POU2F1: variants seen among roughly 807,000 people sequenced by gnomAD.
POU2F1 encodes the protein POU class 2 homeobox 1, also known as POU domain, class 2, transcription factor 1.
Under a neutral mutation model 84.9 loss-of-function variants are expected in POU2F1, and 16 were observed. That is an observed-to-expected ratio of 0.19 (90% CI 0.13 to 0.29). The LOEUF (loss-of-function observed/expected upper bound fraction) is 0.29, where lower values mean the gene tolerates loss of function less well. Ranked by LOEUF, POU2F1 falls within the 10% of genes least tolerant of loss-of-function variation. POU2F1 has a pLI of 1.00. For synonymous variants in POU2F1, 368 were observed against 368.3 expected, an observed-to-expected ratio of 1.00 and a Z score of 0.01; for missense variants, 738 against 942.6, an observed-to-expected ratio of 0.78 and a Z score of 2.84.
intron 1 of POU2F1, among the ~76,000 whole-genome samples, chr1:167,298,680 C>G (rs545647267): frequency 6.6e-6 from 1 of 152,184 alleles, no homozygotes; most frequent in South Asian, 2.1e-4. Flanking sequence ...GAGTATAATA[C>G]TGACGGCATT....
intron 9 of POU2F1, among the ~76,000 whole-genome samples, chr1:167,390,614 C>A (rs1020412475): frequency 6.6e-6 from 1 of 151,856 alleles, no homozygotes; most frequent in Non-Finnish European, 1.5e-5. Flanking sequence ...GGGACCCTGT[C>A]TCTCCAAAAA....
chr1:167,250,121 C>T (rs774975658), intron 1 of POU2F1, among the ~76,000 whole-genome samples: 1 of 151,684 alleles, frequency 6.6e-6, no homozygotes, highest in Non-Finnish European at 1.5e-5. Flanking sequence ...TAACACTTAA[C>T]ATTAGCAGTA....
intron 1 of POU2F1, among the ~76,000 whole-genome samples, chr1:167,293,002 T>A (rs1654030368): frequency 6.6e-6 from 1 of 152,192 alleles, no homozygotes; most frequent in African/African-American, 2.4e-5. Flanking sequence ...GAAGGGACTT[T>A]TACCTTAAAT....
At chr1:167,256,282 A>G (rs1002462444) in intron 1 of POU2F1, among the ~76,000 whole-genome samples, 4 of 152,060 alleles carry the variant, frequency 2.6e-5, no homozygotes, top group African/African-American at 7.2e-5. Context: ...AGGGAGAAGT[A>G]TCAGGTTGTG....
chr1:167,240,649 C>T (rs1248001715), intron 1 of POU2F1, among the ~76,000 whole-genome samples: 1 of 152,136 alleles, frequency 6.6e-6, no homozygotes, highest in East Asian at 1.9e-4. Flanking sequence ...TGAAAATCTA[C>T]TATTGTTTTA....
At chr1:167,297,673 T>C (rs144529913) in intron 1 of POU2F1, among the ~76,000 whole-genome samples, 188 of 152,346 alleles carry the variant, frequency 1.2e-3, no homozygotes, top group Non-Finnish European at 2.3e-3. Context: ...CTTGCTCTTA[T>C]TCAGCTAGAG....
intron 1 of POU2F1, among the ~76,000 whole-genome samples, chr1:167,284,345 G>A (rs1223022268): frequency 3.9e-5 from 6 of 152,094 alleles, no homozygotes; most frequent in Non-Finnish European, 8.8e-5. Context: ...GAATGACAGC[G>A]AAAAGCTGGT....
At chr1:167,237,773 T>TA (rs1491447077) in intron 1 of POU2F1, among the ~76,000 whole-genome samples, 3 of 50,942 alleles carry the variant, frequency 5.9e-5, no homozygotes, top group African/African-American at 2.3e-4. Context: ...TATATATATA[T>TA]TTTTTTTTTT....
intron 2 of POU2F1, among the ~76,000 whole-genome samples, chr1:167,336,749 C>T (rs1426010366): frequency 2.0e-5 from 3 of 152,186 alleles, no homozygotes; most frequent in Non-Finnish European, 4.4e-5. Flanking sequence ...AAAATACCGG[C>T]CTGGTGCAGT....
intron 8 of POU2F1, among the ~76,000 whole-genome samples, chr1:167,387,422 A>G (rs1284219793): frequency 6.6e-6 from 1 of 152,330 alleles, no homozygotes; most frequent in East Asian, 1.9e-4. Context: ...GGCTCCTCCA[A>G]AATGGTCAGG....
chr1:167,411,315 G>A (rs1030890512), intron 13 of POU2F1, among the ~76,000 whole-genome samples: 2 of 152,018 alleles, frequency 1.3e-5, no homozygotes, highest in Non-Finnish European at 2.9e-5. Flanking sequence ...TGAGATTACA[G>A]GTGTGAGCCA....
chr1:167,374,350 T>C, intron 6 of POU2F1, 54 bp downstream of exon 6: 2 of 1,477,786 alleles, frequency 1.4e-6, no homozygotes, highest in Admixed American at 4.8e-5. Flanking sequence ...AAGTGGCAGG[T>C]TTTATTTAAT....
chr1:167,246,272 A>G lies in POU2F1; in HGVS notation c.61+25314A>G, dbSNP rs762285750. 4.7e-4 allele frequency among the ~76,000 whole-genome samples: 72 copies of G among 152,322 alleles called. 1 individual carries two copies. The Middle Eastern group carries it at 0.014, about 29-fold the overall frequency. The stretch of plus-strand genomic sequence containing the variant: ...AAGTTTTGCTTTTCTTGAGAAATCA[A>G]ATGCTGCTGTTCCCCCTTTCCTCCT... On this transcript the variant is annotated intron_variant, in intron 1 of 15. Coordinates refer to ENST00000367866, the MANE Select transcript of POU2F1 (RefSeq NM_002697.4).
At chr1:167,368,065 C>G (rs1181212529) in intron 3 of POU2F1, among the ~76,000 whole-genome samples, 1 of 152,068 alleles carries the variant, frequency 6.6e-6, no homozygotes, top group Non-Finnish European at 1.5e-5. Context: ...AACATTGATA[C>G]GATATCATTT....
intron 1 of POU2F1, among the ~76,000 whole-genome samples, chr1:167,250,893 G>A (rs186571176): frequency 3.1e-4 from 47 of 152,262 alleles, no homozygotes; most frequent in Non-Finnish European, 6.0e-4. Flanking sequence ...CAGTTTAGGA[G>A]CATAAATGAA....
chr1:167,318,789 T>C (rs1206977959), intron 1 of POU2F1, among the ~76,000 whole-genome samples: 1 of 152,178 alleles, frequency 6.6e-6, no homozygotes, highest in Non-Finnish European at 1.5e-5. Context: ...CTAACATCTG[T>C]AGCACTGAGC....
intron 1 of POU2F1, among the ~76,000 whole-genome samples, chr1:167,223,765 A>G (rs1452969703): frequency 2.0e-5 from 3 of 152,200 alleles, no homozygotes; most frequent in Non-Finnish European, 4.4e-5. Context: ...GAGAACCTTC[A>G]GGTGAATGAC....
intron 1 of POU2F1, among the ~76,000 whole-genome samples, chr1:167,329,684 T>G (rs1379035886): frequency 6.6e-6 from 1 of 152,108 alleles, no homozygotes; most frequent in Non-Finnish European, 1.5e-5. Flanking sequence ...ATAAAAATGT[T>G]TTTCATACCT....
intron 1 of POU2F1, among the ~76,000 whole-genome samples, chr1:167,299,983 G>T (rs575308729): frequency 6.6e-6 from 1 of 152,168 alleles, no homozygotes; most frequent in Non-Finnish European, 1.5e-5. Context: ...TAGCTACTGT[G>T]CACTGTTCAC....
Sources: gnomAD v4.1 joint callset for allele counts (sites outside exome capture counted in the v4.1 genomes callset) on GRCh38, gnomAD v4.1.1 for gene constraint, MANE v1.5 for transcripts, NCBI Gene and HGNC (gene_info 2026-07-23, HGNC 2026-07-21) for gene names.